Variants in C22orf31 observed in about 807,000 individuals in gnomAD.
The protein encoded by C22orf31 is chromosome 22 open reading frame 31.
C22orf31 carries 11 observed loss-of-function variants against 15.0 expected under a neutral mutation model. The observed-to-expected ratio is 0.73, with a 90% CI of 0.46 to 1.21. C22orf31 has a LOEUF of 1.21. Ranked by LOEUF, C22orf31 falls within the 50% of genes most tolerant of loss-of-function variation. The pLI, the probability that C22orf31 is intolerant of heterozygous loss-of-function variation, is 0.00. For synonymous variants in C22orf31, 132 were observed against 133.3 expected, an observed-to-expected ratio of 0.99 and a Z score of 0.07; for missense variants, 340 against 347.2, an observed-to-expected ratio of 0.98 and a Z score of 0.17.
intron 2 of C22orf31, chr22:29,060,021 CTTTTTTTTTTTTT>C (rs60208241): frequency 5.5e-6 from 3 of 541,652 alleles, no homozygotes; most frequent in African/African-American, 5.2e-5. Flanking sequence ...TTTTTCTTTT[CTTTTTTTTTTTTT>C]TTTTTTTTTA....
At chr22:29,072,252 C>T in the C22orf31 span, among the ~76,000 whole-genome samples, 1 of 152,144 alleles carries the variant, frequency 6.6e-6, no homozygotes, top group Admixed American at 6.5e-5. Context: ...TCAAGCGATC[C>T]TCCTGCTTCA....
intron 1 of C22orf31, among the ~76,000 whole-genome samples, chr22:29,061,350 T>G (rs1416908077): frequency 1.3e-5 from 2 of 152,134 alleles, no homozygotes; most frequent in African/African-American, 2.4e-5. Context: ...CACTGCAACC[T>G]CCGCCTCCCG....
chr22:29,066,539 C>CTTTTTTTTTTTTTTTTTTTTTTTTTTT (rs134565), upstream of C22orf31, among the ~76,000 whole-genome samples: 39 of 70,210 alleles, frequency 5.6e-4, 4 homozygotes, highest in Non-Finnish European at 8.2e-4. Context: ...CTTTTCTTTT[C>CTTTTTTTTTTTTTTTTTTTTTTTTTTT]TTTTTTTTTT....
chr22:29,066,863 C>T, the C22orf31 span, among the ~76,000 whole-genome samples: 1 of 152,094 alleles, frequency 6.6e-6, no homozygotes, highest in Admixed American at 6.5e-5. Flanking sequence ...GCCCAGCCAA[C>T]GCCTCCTCAA....
upstream of C22orf31, among the ~76,000 whole-genome samples, chr22:29,062,238 G>T (rs2037398383): frequency 6.6e-6 from 1 of 152,106 alleles, no homozygotes; most frequent in Admixed American, 6.5e-5. Context: ...TGGGGATATG[G>T]GTAGTGAGAT....
chr22:29,065,560 A>G (rs534737169), upstream of C22orf31, among the ~76,000 whole-genome samples: 11 of 152,368 alleles, frequency 7.2e-5, no homozygotes, highest in East Asian at 2.1e-3. Flanking sequence ...TTGACCTCAC[A>G]GAAGTGTTGA....
At chr22:29,061,076 G>C (rs1015329759) in intron 1 of C22orf31, among the ~76,000 whole-genome samples, 1 of 152,102 alleles carries the variant, frequency 6.6e-6, no homozygotes, top group Non-Finnish European at 1.5e-5. Context: ...AAAGAACATA[G>C]CATGCCAGGG....
the C22orf31 span, among the ~76,000 whole-genome samples, chr22:29,069,478 A>C: frequency 6.6e-6 from 1 of 152,182 alleles, no homozygotes; most frequent in Non-Finnish European, 1.5e-5. Context: ...TGCACAGTGC[A>C]AACAGACAAA....
At chr22:29,069,745 G>T in the C22orf31 span, among the ~76,000 whole-genome samples, 7 of 152,080 alleles carry the variant, frequency 4.6e-5, no homozygotes, top group African/African-American at 1.7e-4. Context: ...AAGAGAAGGT[G>T]GGGGTGGAGA....
At chr22:29,059,648 C>G (rs2037361015) in intron 2 of C22orf31, 1 of 981,164 alleles carries the variant, frequency 1.0e-6, no homozygotes, top group Non-Finnish European at 1.2e-6. Context: ...GGATTTGAAC[C>G]CTGATGGCCT....
At chr22:29,064,675 A>ATTTTTTTTTT (rs563569423), upstream of C22orf31, among the ~76,000 whole-genome samples, 3 of 51,324 alleles carry the variant, frequency 5.8e-5, no homozygotes, top group Non-Finnish European at 1.1e-4. Flanking sequence ...TTGCCCAGTG[A>ATTTTTTTTTT]TTTTTTTTTT....
At position 29,060,724 on chromosome 22, in the gene C22orf31, C is replaced by T. The variant is rs2037382029; in HGVS notation, c.123G>A (p.Trp41Ter). ...TCTGCTTTGCACATGTTCTGGCCAT[C>T]CAGATGTTGGTGAGAGCCGGTGAGT... ...YVDSPALTNI[W>*]MARTCAKQNI... Residue 41 changes from tryptophan to a stop codon, truncating the protein, a stop_gained, in exon 2 of 3, where the codon TGG becomes TGA. Coordinates refer to ENST00000216071, the MANE Select transcript of C22orf31 (RefSeq NM_015370.2). LOFTEE classifies it high-confidence loss of function. 6.2e-7 allele frequency: 1 copy of T among 1,614,104 alleles called. No individual in the cohort carries two copies. The highest frequency in any genetic ancestry group is 8.5e-7 in the Non-Finnish European group (1 of 1,180,036).
At chr22:29,061,962 T>C, upstream of C22orf31, 1 of 571,272 alleles carries the variant, frequency 1.8e-6, no homozygotes. Context: ...TTTGTTTAGA[T>C]GTGGGCTCAA....
the C22orf31 span, chr22:29,073,206 C>T: frequency 1.7e-6 from 2 of 1,185,876 alleles, no homozygotes; most frequent in East Asian, 3.7e-5. This position sits in a 1 kb window ranked among gnomAD's most constrained non-coding sequence, Gnocchi z 4.4. Context: ...CGCGCCTAGC[C>T]CCGGCCTCGG....
At chr22:29,069,270 G>A in the C22orf31 span, among the ~76,000 whole-genome samples, 1 of 152,186 alleles carries the variant, frequency 6.6e-6, no homozygotes, top group African/African-American at 2.4e-5. Context: ...AGTCAAGTCT[G>A]CAGTAAACAT....
the C22orf31 span, among the ~76,000 whole-genome samples, chr22:29,067,679 G>A: frequency 6.6e-6 from 1 of 151,946 alleles, no homozygotes; most frequent in Non-Finnish European, 1.5e-5. Flanking sequence ...CCTGACCTCA[G>A]GTGATCTGCC....
At chr22:29,064,515 GTTT>G (rs2037415794), upstream of C22orf31, among the ~76,000 whole-genome samples, 1 of 151,532 alleles carries the variant, frequency 6.6e-6, no homozygotes, top group South Asian at 2.1e-4. Flanking sequence ...GCTTTTTTGT[GTTT>G]TTGTTTTTGT....
intron 2 of C22orf31, chr22:29,059,700 C>CTTT: frequency 1.1e-6 from 1 of 896,218 alleles, no homozygotes; most frequent in South Asian, 5.6e-5. Context: ...CCAATCAGGC[C>CTTT]TTCGTAGGCC....
At chr22:29,061,032 C>T (rs1460425501) in intron 1 of C22orf31, among the ~76,000 whole-genome samples, 189 bp from the exon 2 acceptor site, 2 of 152,172 alleles carry the variant, frequency 1.3e-5, no homozygotes, top group South Asian at 2.1e-4. Flanking sequence ...AGGAGATAGT[C>T]ACTCCACAAG....
Sources: allele counts gnomAD v4.1 joint callset (sites outside exome capture counted in the v4.1 genomes callset), GRCh38; gene constraint gnomAD v4.1.1; non-coding constraint Gnocchi (gnomAD v3.1); transcripts MANE v1.5; gene names NCBI Gene and HGNC (gene_info 2026-07-23, HGNC 2026-07-21).